Variants in PDE8B observed in about 807,000 individuals in gnomAD.
PDE8B encodes high affinity cAMP-specific and IBMX-insensitive 3',5'-cyclic phosphodiesterase 8B.
Under a neutral mutation model 101.3 loss-of-function variants are expected in PDE8B, and 26 were observed. The ratio of observed to expected loss-of-function variants is 0.26; its 90% confidence interval spans 0.19 to 0.36. PDE8B has a LOEUF of 0.36. Among genes scored for constraint, PDE8B ranks in the 10% least tolerant of loss-of-function variants. The probability of loss-of-function intolerance (pLI) is 1.00; values close to 1 mark genes in which losing one functional copy is unlikely to be tolerated. For synonymous variants in PDE8B, 424 were observed against 429.3 expected (o/e 0.99, Z 0.15); for missense variants, 810 against 1,163.1 (o/e 0.70, Z 4.42).
the PDE8B span, among the ~76,000 whole-genome samples, chr5:77,093,001 A>T: frequency 2.6e-5 from 4 of 152,150 alleles, no homozygotes; most frequent in Non-Finnish European, 4.4e-5. Context: ...TGTCCTTTGG[A>T]CCACACTGTT....
intron 1 of PDE8B, among the ~76,000 whole-genome samples, chr5:77,272,142 G>A (rs187103854): frequency 5.5e-4 from 84 of 152,312 alleles, no homozygotes; most frequent in African/African-American, 1.9e-3. Flanking sequence ...AAGGTTATTG[G>A]AGCATGCCGA....
chr5:77,303,220 A>G (rs1291846825), intron 1 of PDE8B, among the ~76,000 whole-genome samples: 1 of 152,106 alleles, frequency 6.6e-6, no homozygotes, highest in Non-Finnish European at 1.5e-5. Flanking sequence ...GTAAACACCC[A>G]TGTACTCACT....
At chr5:77,303,894 T>C (rs1477258531) in intron 1 of PDE8B, among the ~76,000 whole-genome samples, 2 of 152,236 alleles carry the variant, frequency 1.3e-5, no homozygotes, top group African/African-American at 4.8e-5. Context: ...TTTACTGTTG[T>C]ATAATATTCT....
At chr5:77,190,362 T>C in the PDE8B span, among the ~76,000 whole-genome samples, 1 of 152,192 alleles carries the variant, frequency 6.6e-6, no homozygotes, top group East Asian at 1.9e-4. Flanking sequence ...AAGATAGCTC[T>C]AAAGGAGAGG....
chr5:77,339,435 G>A (rs1305483555), intron 6 of PDE8B, among the ~76,000 whole-genome samples: 9 of 152,134 alleles, frequency 5.9e-5, no homozygotes, highest in African/African-American at 1.9e-4. Context: ...TCAAGTTATC[G>A]CCCTTTTGGG....
At chr5:77,282,391 C>G (rs1379344347) in intron 1 of PDE8B, among the ~76,000 whole-genome samples, 1 of 152,048 alleles carries the variant, frequency 6.6e-6, no homozygotes, top group Admixed American at 6.5e-5. Flanking sequence ...CAATCTGGCT[C>G]TCAGCCCCCA....
In PDE8B at chr5:77,391,757, G is replaced by T. The variant is rs188422734; in HGVS notation, c.1168-8491G>T. Reference sequence around the variant, plus strand: ...GAGGGGCAGAGGATACGCAAGAAAGGCTTTTTGTTGTGTTTTGTTTGTTTT... The same window carrying T: ...GAGGGGCAGAGGATACGCAAGAAAGTCTTTTTGTTGTGTTTTGTTTGTTTT... On this transcript the variant is annotated intron_variant, in intron 10 of 21. Coordinates refer to ENST00000264917, the MANE Select transcript of PDE8B (RefSeq NM_003719.5). 1.1e-4 allele frequency among the ~76,000 whole-genome samples: 17 copies of T among 152,316 alleles called. No homozygotes were observed. In the East Asian group the frequency reaches 3.1e-3, roughly 28 times the overall value.
At chr5:77,367,400 C>A (rs898685605) in intron 10 of PDE8B, among the ~76,000 whole-genome samples, 4 of 152,076 alleles carry the variant, frequency 2.6e-5, no homozygotes, top group Non-Finnish European at 4.4e-5. Flanking sequence ...CAGAAGTTAT[C>A]CCTTCCCCTT....
In PDE8B at chr5:77,418,426, C is replaced by T; in HGVS notation, c.2109C>T (p.Asn703=). 6.2e-7 allele frequency: 1 copy of T among 1,613,450 alleles called. No individual in the cohort carries two copies. Among genetic ancestry groups the T allele is most frequent in the Non-Finnish European group, 8.5e-7 (1 of 1,179,498 alleles). ...FQLTVKDTKC[N]IFKNIDRNHY... is the part of the protein sequence containing the mutation. ...TCACGGTCAAGGACACCAAATGCAACATTTTCAAGAATATTGACAGGTTTG... is the reference window on the plus strand; with the variant it reads ...TCACGGTCAAGGACACCAAATGCAATATTTTCAAGAATATTGACAGGTTTG... Residue 703 remains asparagine (N), a synonymous_variant, in exon 18 of 22, where the codon AAC becomes AAT. Coordinates refer to ENST00000264917, the MANE Select transcript of PDE8B (RefSeq NM_003719.5).
At position 77,241,985 on chromosome 5, in the gene PDE8B, C is replaced by T. The variant is rs1408446419; in HGVS notation, c.339+30721C>T. Among the ~76,000 whole-genome samples, 4 of 152,158 alleles carry T rather than the reference C, an allele frequency of 2.6e-5. No individual in the cohort carries two copies. In the East Asian group the frequency reaches 7.7e-4, roughly 29 times the overall value. ...ATCCTTCCTTAACTTGTCCCAACAC[C>T]AAATTCACGCAAGGTGTATGCCGAT... On this transcript the variant is annotated intron_variant, in intron 1 of 21. Coordinates refer to ENST00000264917, the MANE Select transcript of PDE8B (RefSeq NM_003719.5).
At chr5:77,394,050 C>G (rs769399604) in intron 10 of PDE8B, among the ~76,000 whole-genome samples, 1 of 152,180 alleles carries the variant, frequency 6.6e-6, no homozygotes. Context: ...AAAACAGATT[C>G]TTACTGAATT....
chr5:77,336,112 G>A (rs1778137362), intron 5 of PDE8B, among the ~76,000 whole-genome samples: 1 of 152,138 alleles, frequency 6.6e-6, no homozygotes, highest in Non-Finnish European at 1.5e-5. Flanking sequence ...GAATGACAAT[G>A]TGTGCTGCAT....
At chr5:77,370,289 G>C (rs1277925330) in intron 10 of PDE8B, among the ~76,000 whole-genome samples, 1 of 152,114 alleles carries the variant, frequency 6.6e-6, no homozygotes, top group Non-Finnish European at 1.5e-5. Context: ...CTCCAGAGAA[G>C]GTCCTTCTTC....
chr5:77,156,242 G>A, the PDE8B span, among the ~76,000 whole-genome samples: 1 of 152,174 alleles, frequency 6.6e-6, no homozygotes, highest in Non-Finnish European at 1.5e-5. Context: ...GCTATGGGAA[G>A]GTAGAAGGCT....
chr5:77,257,930 A>G (rs983721941), intron 1 of PDE8B, among the ~76,000 whole-genome samples: 3 of 152,084 alleles, frequency 2.0e-5, no homozygotes, highest in Non-Finnish European at 4.4e-5. Context: ...CAATTTGGGG[A>G]AAAATATTCA....
chr5:77,136,899 G>A, the PDE8B span, among the ~76,000 whole-genome samples: 2 of 152,074 alleles, frequency 1.3e-5, no homozygotes, highest in Non-Finnish European at 2.9e-5. Context: ...TTTGGGCTAT[G>A]GGTGAGGACT....
At chr5:77,346,700 G>A (rs766820937) in intron 7 of PDE8B, among the ~76,000 whole-genome samples, 2 of 151,988 alleles carry the variant, frequency 1.3e-5, no homozygotes, top group Non-Finnish European at 2.9e-5. Flanking sequence ...TGCCTTTAAA[G>A]GGAAACTTGG....
chr5:77,291,131 A>G, intron 1 of PDE8B: 1 of 1,610,982 alleles, frequency 6.2e-7, no homozygotes, highest in Non-Finnish European at 8.5e-7. Context: ...TAGTTGTTCC[A>G]TCAGCTCTCT....
the PDE8B span, chr5:77,114,247 A>T: frequency 2.0e-5 from 3 of 152,252 alleles, no homozygotes; most frequent in Admixed American, 6.5e-5. Context: ...AATAGCAAAG[A>T]CTTGGAACCA....
Sources: gnomAD v4.1 joint callset for allele counts (sites outside exome capture counted in the v4.1 genomes callset) on GRCh38, gnomAD v4.1.1 for gene constraint, MANE v1.5 for transcripts, NCBI Gene and HGNC (gene_info 2026-07-23, HGNC 2026-07-21) for gene names.